SERINC5: variants seen among roughly 807,000 people sequenced by gnomAD.
The protein encoded by SERINC5 is serine incorporator 5, also known as chromosome 5 open reading frame 12.
Under a neutral mutation model 63.1 loss-of-function variants are expected in SERINC5, and 41 were observed. The observed-to-expected ratio is 0.65, with a 90% confidence interval of 0.51 to 0.84. SERINC5 has a LOEUF of 0.84. Ranked by LOEUF, SERINC5 falls within the 40% of genes least tolerant of loss-of-function variation. SERINC5 has a pLI of 0.00. For synonymous variants in SERINC5, 222 were observed against 215.2 expected (o/e 1.03, Z -0.28); for missense variants, 523 against 573.0 (o/e 0.91, Z 0.89).
downstream of SERINC5, among the ~76,000 whole-genome samples, chr5:80,134,928 A>C (rs373680393): frequency 5.9e-5 from 9 of 152,372 alleles, no homozygotes; most frequent in South Asian, 1.9e-3. Context: ...GAAAACTCAC[A>C]ATGTTTTTAA....
rs118171109 is a variant in SERINC5 at position 80,214,374 on chromosome 5, T to G, written c.28-11321A>C. On this transcript the variant is annotated intron_variant, in intron 1 of 11. Transcript: ENST00000507668. ...CTCTCTGCAACAAGCATACATCTTA[T>G]AATTAGAAAAACATTACAGGTTTCT... Among the ~76,000 whole-genome samples the G allele has an allele frequency of 2.2e-4, 34 of 152,306 alleles. 1 individual carries two copies. In the East Asian group the frequency reaches 6.5e-3, roughly 29 times the overall value.
intron 6 of SERINC5, among the ~76,000 whole-genome samples, chr5:80,168,158 T>C (rs1747424162): frequency 6.6e-6 from 1 of 152,082 alleles, no homozygotes; most frequent in Admixed American, 6.6e-5. Context: ...ATAATGGTCT[T>C]AAAATTTTTA....
chr5:80,255,833 G>T lies in SERINC5; in HGVS notation c.27+63C>A, dbSNP rs1353706641. 8 of 1,552,568 alleles carry T rather than the reference G, an allele frequency of 5.2e-6. No individual in the cohort carries two copies. The East Asian group carries it at 1.5e-4, about 28-fold the overall frequency. On this transcript the variant is annotated intron_variant, in intron 1 of 11. Coordinates refer to ENST00000507668, the MANE Select transcript of SERINC5 (RefSeq NM_001174072.3). ...GAGCGCACCCAGGCAGGTCCTCCAC[G>T]CCTGGACTCCTGGCCCGGTTCTCCG...
At chr5:80,153,388 G>GGTT (rs1746309600) in intron 8 of SERINC5, among the ~76,000 whole-genome samples, 1 of 151,644 alleles carries the variant, frequency 6.6e-6, no homozygotes, top group Non-Finnish European at 1.5e-5. Flanking sequence ...AACCCGGGAG[G>GGTT]CAGATGTTGC....
chr5:80,125,070 C>T lies in SERINC5; in HGVS notation c.1239-11445G>A, dbSNP rs1042402127. On this transcript the variant is annotated intron_variant, in intron 11 of 12. Coordinates refer to the SERINC5 transcript ENST00000509193. ...GCTAGACTCTTGACTCTGTGCCTCCCAGTACCTGCTACTGACCAACATGGT... is the reference window on the plus strand; with the variant it reads ...GCTAGACTCTTGACTCTGTGCCTCCTAGTACCTGCTACTGACCAACATGGT... Among the ~76,000 whole-genome samples the T allele has an allele frequency of 2.0e-5, 3 of 152,230 alleles. No individual in the cohort carries two copies. In the East Asian group the frequency reaches 5.8e-4, roughly 29 times the overall value.
intron 7 of SERINC5, among the ~76,000 whole-genome samples, chr5:80,160,983 T>TGTATATATAC (rs1746857834): frequency 6.8e-6 from 1 of 147,394 alleles, no homozygotes; most frequent in African/African-American, 2.6e-5. Flanking sequence ...TGTATATATG[T>TGTATATATAC]GTGTATATGT....
At position 80,142,778 on chromosome 5, in the gene SERINC5, A is replaced by C. The variant is rs1745587776; in HGVS notation, c.*885T>G. 1.0e-6 allele frequency: 1 copy of C among 985,378 alleles called. No individual in the cohort carries two copies. Among genetic ancestry groups the C allele is most frequent in the Non-Finnish European group, 1.2e-6 (1 of 829,952 alleles). The allele number at this position is 985,378 out of a possible 1,614,324, so 61.0% of individuals were successfully genotyped here. A position where few individuals can be genotyped will look rare whatever the true frequency, so the allele number is the denominator to read the frequency against. Reference sequence around the variant, plus strand: ...TCAACACGAAGCAGCTTTTCAGTTAAGGTCCTAAAAGTATTATCATTATCA... The same window carrying C: ...TCAACACGAAGCAGCTTTTCAGTTACGGTCCTAAAAGTATTATCATTATCA... On this transcript the variant is annotated 3_prime_UTR_variant, in exon 12 of 12. Coordinates refer to ENST00000507668, the MANE Select transcript of SERINC5 (RefSeq NM_001174072.3).
chr5:80,249,484 C>A (rs1474480786), intron 1 of SERINC5, among the ~76,000 whole-genome samples: 3 of 152,094 alleles, frequency 2.0e-5, no homozygotes, highest in African/African-American at 7.2e-5. Context: ...GCACTTCCAA[C>A]AAAATCCCAA....
At chr5:80,229,427 C>A (rs747870879) in intron 1 of SERINC5, among the ~76,000 whole-genome samples, 14 of 147,664 alleles carry the variant, frequency 9.5e-5, no homozygotes, top group Non-Finnish European at 2.1e-4. Flanking sequence ...TTGCAACCAA[C>A]CTTTAAAGTT....
intron 11 of SERINC5, among the ~76,000 whole-genome samples, chr5:80,116,808 T>G (rs955669451): frequency 1.8e-4 from 27 of 151,598 alleles, no homozygotes; most frequent in Admixed American, 1.3e-3. Flanking sequence ...CAAGTGACTT[T>G]CTGGTGACCA....
chr5:80,255,006 C>G (rs1233199676), intron 1 of SERINC5: 1 of 152,262 alleles, frequency 6.6e-6, no homozygotes, highest in East Asian at 1.9e-4. Context: ...TGAAAACACT[C>G]CATTAAAACT....
intron 1 of SERINC5, among the ~76,000 whole-genome samples, chr5:80,235,476 A>G (rs1751644578): frequency 6.6e-6 from 1 of 152,230 alleles, no homozygotes; most frequent in African/African-American, 2.4e-5. Context: ...AGACATTATG[A>G]CAAAATAAAT....
At chr5:80,166,653 G>C (rs1197091507) in intron 6 of SERINC5, 175 bp from the exon 7 acceptor site, 2 of 507,886 alleles carry the variant, frequency 3.9e-6, no homozygotes, top group Non-Finnish European at 7.1e-6. Flanking sequence ...AGATATTAAG[G>C]GGGAGAGAGT....
chr5:80,175,433 T>C (rs1747964691), intron 4 of SERINC5, among the ~76,000 whole-genome samples: 1 of 152,108 alleles, frequency 6.6e-6, no homozygotes, highest in African/African-American at 2.4e-5. Flanking sequence ...TCAAATTTTA[T>C]TGGGTAAAAA....
chr5:80,199,424 C>T (rs1479172164), intron 2 of SERINC5, among the ~76,000 whole-genome samples: 1 of 152,180 alleles, frequency 6.6e-6, no homozygotes, highest in Non-Finnish European at 1.5e-5. Context: ...TGGTATCACT[C>T]AATAATTAGC....
At chr5:80,180,673 T>C (rs1332332089) in intron 2 of SERINC5, among the ~76,000 whole-genome samples, 1 of 152,142 alleles carries the variant, frequency 6.6e-6, no homozygotes, top group Non-Finnish European at 1.5e-5. Flanking sequence ...GTGAGGCAAA[T>C]GCAACATTCT....
chr5:80,123,005 A>C (rs1744608701), intron 11 of SERINC5, among the ~76,000 whole-genome samples: 1 of 152,264 alleles, frequency 6.6e-6, no homozygotes, highest in African/African-American at 2.4e-5. Context: ...TTCTGACTAC[A>C]GAACTGTCCA....
chr5:80,137,152 A>AAAC (rs1745220766), downstream of SERINC5, among the ~76,000 whole-genome samples: 1 of 142,012 alleles, frequency 7.0e-6, no homozygotes, highest in African/African-American at 2.6e-5. Context: ...AAAAAAAAAA[A>AAAC]AAAAAAAAAA....
At chr5:80,193,800 G>A (rs768723002) in intron 2 of SERINC5, among the ~76,000 whole-genome samples, 10 of 152,220 alleles carry the variant, frequency 6.6e-5, no homozygotes, top group Admixed American at 1.3e-4. Flanking sequence ...TGACAGCTGA[G>A]GCATAGGAGG....
Sources: gnomAD v4.1 joint callset for allele counts (sites outside exome capture counted in the v4.1 genomes callset) on GRCh38, gnomAD v4.1.1 for gene constraint, MANE v1.5 for transcripts, NCBI Gene and HGNC (gene_info 2026-07-23, HGNC 2026-07-21) for gene names.